The following FLT3 variants were observed in gnomAD, a reference collection of about 807,000 sequenced individuals.
FLT3 encodes the protein fms related receptor tyrosine kinase 3, also known as receptor-type tyrosine-protein kinase FLT3.
Under a neutral mutation model 126.6 loss-of-function variants are expected in FLT3, and 46 were observed. The observed-to-expected ratio is 0.36, with a 90% CI of 0.29 to 0.46. The LOEUF is 0.46. Ranked by LOEUF, FLT3 falls within the 20% of genes least tolerant of loss-of-function variation. FLT3 has a pLI of 1.00. For synonymous variants in FLT3, 404 were observed against 434.4 expected, an observed-to-expected ratio of 0.93 and a Z score of 0.87; for missense variants, 1,069 against 1,190.3, an observed-to-expected ratio of 0.90 and a Z score of 1.50.
At chr13:28,012,744 G>A (rs879576121) in intron 23 of FLT3, among the ~76,000 whole-genome samples, 10 of 152,008 alleles carry the variant, frequency 6.6e-5, no homozygotes, top group Admixed American at 6.6e-4. Flanking sequence ...AGAACAGCCT[G>A]GGCAACATAG....
chr13:28,024,800 A>T, intron 18 of FLT3, 61 bp downstream of exon 18: 1 of 1,132,892 alleles, frequency 8.8e-7, no homozygotes, highest in Non-Finnish European at 1.3e-6. Flanking sequence ...AAAAATAGCT[A>T]ACATAAAACT....
intron 2 of FLT3, among the ~76,000 whole-genome samples, chr13:28,063,611 A>T (rs573665766): frequency 6.6e-6 from 1 of 152,332 alleles, no homozygotes; most frequent in South Asian, 2.1e-4. Flanking sequence ...ACACATGAGC[A>T]CACACATATT....
chr13:28,023,264 A>G (rs1313477060), intron 19 of FLT3, 86 bp downstream of exon 19: 3 of 1,395,674 alleles, frequency 2.1e-6, no homozygotes, highest in Non-Finnish European at 2.9e-6. Flanking sequence ...TTTAAGGGAT[A>G]CAAGTTAAAA....
chr13:28,033,188 A>T (rs1006500688), intron 15 of FLT3, among the ~76,000 whole-genome samples: 1 of 151,616 alleles, frequency 6.6e-6, no homozygotes, highest in Admixed American at 6.6e-5. Flanking sequence ...GTCTTGGCAC[A>T]CTCCTGTGAG....
chr13:28,054,813 T>C (rs1031987886), intron 4 of FLT3, among the ~76,000 whole-genome samples: 4 of 152,242 alleles, frequency 2.6e-5, no homozygotes, highest in African/African-American at 7.2e-5. Context: ...TGCTCAAATA[T>C]ACTCTTTACA....
At chr13:28,009,809 G>GCCT (rs1871210440) in intron 23 of FLT3, among the ~76,000 whole-genome samples, 1 of 152,076 alleles carries the variant, frequency 6.6e-6, no homozygotes, top group African/African-American at 2.4e-5. Context: ...CTATGTTTGT[G>GCCT]CCTCAGCCTC....
At chr13:28,046,354 A>C (rs1035693290) in intron 9 of FLT3, among the ~76,000 whole-genome samples, 1 of 152,170 alleles carries the variant, frequency 6.6e-6, no homozygotes, top group Non-Finnish European at 1.5e-5. Flanking sequence ...AATAATCATG[A>C]AACAAACACT....
chr13:28,062,153 A>G (rs868051235), intron 2 of FLT3, 84 bp from the exon 3 acceptor site: 2 of 1,025,150 alleles, frequency 2.0e-6, no homozygotes, highest in Non-Finnish European at 1.5e-6. Context: ...TTTATCAAAC[A>G]TATGCATGCT....
At chr13:28,028,685 GAA>G (rs375133818) in intron 15 of FLT3, among the ~76,000 whole-genome samples, 2 of 151,776 alleles carry the variant, frequency 1.3e-5, no homozygotes, top group African/African-American at 4.8e-5. Flanking sequence ...CAACAAGAGT[GAA>G]ACTCCATCTT....
In FLT3 at chr13:28,037,192, A is replaced by G. The variant is rs149842351; in HGVS notation, c.1302T>C (p.Asn434=). 12 of 1,548,202 alleles carry G rather than the reference A, an allele frequency of 7.8e-6. No homozygotes were observed. In the African/African-American group the frequency reaches 1.6e-4, roughly 21 times the overall value. Residue 434 remains asparagine (N), a synonymous_variant, in exon 10 of 24, where the codon AAT becomes AAC. Transcript: ENST00000241453. ...DAQFTKMFTL[N]IRRKPQVLAE... ...CTCGGCAATTTAACTTACTTCTTAT[A>G]TTCAGCGTGAACATTTTGGTAAATT...
intron 5 of FLT3, among the ~76,000 whole-genome samples, chr13:28,050,516 A>G (rs1437551168): frequency 2.6e-5 from 4 of 152,226 alleles, no homozygotes; most frequent in Non-Finnish European, 5.9e-5. Flanking sequence ...ACAGGGAAAG[A>G]AAGGGAAAAA....
At chr13:28,014,379 G>A in intron 23 of FLT3, 73 bp downstream of exon 23, 1 of 1,123,160 alleles carries the variant, frequency 8.9e-7, no homozygotes, top group Non-Finnish European at 1.3e-6. Flanking sequence ...TTGGTTCACA[G>A]GAAGACAGCA....
intron 1 of FLT3, among the ~76,000 whole-genome samples, chr13:28,092,163 G>A (rs752554413): frequency 5.3e-5 from 8 of 152,168 alleles, no homozygotes; most frequent in South Asian, 2.1e-4. Context: ...GGTAACCCCC[G>A]CCAGGAACCT....
intron 1 of FLT3, among the ~76,000 whole-genome samples, chr13:28,097,293 T>C (rs1879520467): frequency 6.6e-6 from 1 of 152,140 alleles, no homozygotes; most frequent in African/African-American, 2.4e-5. Context: ...CAATTAAAGT[T>C]TGTTAAATAA....
At chr13:28,062,274 G>A (rs1040608129) in intron 2 of FLT3, among the ~76,000 whole-genome samples, 9 of 152,132 alleles carry the variant, frequency 5.9e-5, no homozygotes, top group Admixed American at 3.3e-4. Flanking sequence ...ACATTGGGCT[G>A]CATTTCTAAA....
Position 28,096,441 on chromosome 13 carries a change from A to AT in FLT3, c.43+4026dup, listed in dbSNP as rs5802464. Among the ~76,000 whole-genome samples, 288 of 146,598 alleles carry AT rather than the reference A, an allele frequency of 2.0e-3. 1 individual carries two copies. Among genetic ancestry groups the AT allele is most frequent in the African/African-American group, 3.6e-3 (146 of 40,024 alleles). On this transcript the variant is annotated intron_variant, in intron 1 of 23. Coordinates refer to ENST00000241453, the MANE Select transcript of FLT3 (RefSeq NM_004119.3). ...AAAGCTTCCTTCATTGACGCATGCA[A>AT]TTTTTTTTTTTTTGAGATGGAGTCG...
Position 28,004,166 on chromosome 13 carries a change from C to G in FLT3, c.2868G>C (p.Gln956His). Reference protein sequence around the residue: ...QLADAEEAMYQNVDGRVSECP... With the variant: ...QLADAEEAMYHNVDGRVSECP... Reference sequence around the variant, plus strand: ...ATTCCGAAACACGGCCATCCACATTCTGATACATCTGAATGTGGGAAAGAG... The same window carrying G: ...ATTCCGAAACACGGCCATCCACATTGTGATACATCTGAATGTGGGAAAGAG... The change falls in exon 24 of 24, where the codon CAG (glutamine) becomes CAC (histidine). Residue 956 changes from glutamine (Q) to histidine (H), a missense_variant. Coordinates refer to ENST00000241453, the MANE Select transcript of FLT3 (RefSeq NM_004119.3). The G allele has an allele frequency of 6.2e-7, 1 of 1,614,042 alleles. No homozygotes were observed. Among genetic ancestry groups the G allele is most frequent in the Non-Finnish European group, 8.5e-7 (1 of 1,180,004 alleles).
chr13:28,084,978 A>AC (rs895279377), intron 1 of FLT3, among the ~76,000 whole-genome samples: 1 of 149,754 alleles, frequency 6.7e-6, no homozygotes, highest in Non-Finnish European at 1.5e-5. Flanking sequence ...TCCTCTAAAA[A>AC]AAAAAAAAAA....
chr13:28,084,689 T>C (rs1878535825), intron 1 of FLT3, among the ~76,000 whole-genome samples: 1 of 152,088 alleles, frequency 6.6e-6, no homozygotes, highest in Non-Finnish European at 1.5e-5. Flanking sequence ...TCTTTTAAAA[T>C]TTACAGCCGG....
Sources: gnomAD v4.1 joint callset for allele counts (sites outside exome capture counted in the v4.1 genomes callset) on GRCh38, gnomAD v4.1.1 for gene constraint, MANE v1.5 for transcripts, NCBI Gene and HGNC (gene_info 2026-07-23, HGNC 2026-07-21) for gene names.